NAA20: variants seen among roughly 807,000 people sequenced by gnomAD.
NAA20 encodes N-alpha-acetyltransferase 20, NatB catalytic subunit, also known as N-alpha-acetyltransferase 20.
In NAA20, 24 loss-of-function variants were observed where a neutral mutation model predicts 23.8. The ratio of observed to expected loss-of-function variants is 1.01; its 90% CI spans 0.73 to 1.42. The LOEUF is 1.42. NAA20 is among the 40% of genes most tolerant of loss of function. The pLI is 0.00. For missense variants in NAA20, 166 were observed against 223.1 expected (o/e 0.74, Z 1.63); for synonymous variants, 83 against 77.7 (o/e 1.07, Z -0.36).
At chr20:20,017,309 C>G (rs1011277333), upstream of NAA20, 18 of 1,559,056 alleles carry the variant, frequency 1.2e-5, no homozygotes, top group Non-Finnish European at 1.6e-5. Flanking sequence ...CCGTCTCGCT[C>G]GGTTCCGCGG....
At chr20:20,030,031 G>A (rs1411910214) in intron 4 of NAA20, among the ~76,000 whole-genome samples, 1 of 152,148 alleles carries the variant, frequency 6.6e-6, no homozygotes, top group Non-Finnish European at 1.5e-5. Flanking sequence ...GAAAGCTGTG[G>A]CTTCTCTGGC....
intron 4 of NAA20, among the ~76,000 whole-genome samples, chr20:20,029,802 C>G (rs1439550009): frequency 1.3e-5 from 2 of 152,010 alleles, no homozygotes; most frequent in Non-Finnish European, 2.9e-5. Flanking sequence ...GCCTATAGAA[C>G]AAGAATCAGC....
chr20:20,030,473 T>C (rs1248192610), intron 4 of NAA20, among the ~76,000 whole-genome samples: 3 of 152,182 alleles, frequency 2.0e-5, no homozygotes, highest in Admixed American at 6.5e-5. Context: ...AGTGATACAC[T>C]GAATGCTTTC....
chr20:20,021,783 A>G (rs1217485914), intron 1 of NAA20, among the ~76,000 whole-genome samples: 2 of 152,202 alleles, frequency 1.3e-5, no homozygotes, highest in East Asian at 3.8e-4. Context: ...ACCTGACAAA[A>G]TAGTGGCTCC....
chr20:20,018,435 C>T (rs1472287665), intron 1 of NAA20: 1 of 205,600 alleles, frequency 4.9e-6, no homozygotes, highest in Non-Finnish European at 1.0e-5. Context: ...ATTCAAGTGT[C>T]AGGAAGATGG....
chr20:20,031,686 T>C (rs2043344774), intron 4 of NAA20, among the ~76,000 whole-genome samples: 1 of 152,164 alleles, frequency 6.6e-6, no homozygotes, highest in African/African-American at 2.4e-5. Flanking sequence ...ATATTCACAA[T>C]ACATAGAGAA....
chr20:20,028,238 AT>A (rs2043319693), intron 4 of NAA20, among the ~76,000 whole-genome samples: 1 of 152,120 alleles, frequency 6.6e-6, no homozygotes. Context: ...GAAAAAAAGT[AT>A]TTGGCATTAT....
intron 4 of NAA20, among the ~76,000 whole-genome samples, chr20:20,030,579 A>G (rs1355682162): frequency 6.6e-6 from 1 of 152,166 alleles, no homozygotes; most frequent in Non-Finnish European, 1.5e-5. Flanking sequence ...GAGGATTGAG[A>G]GGAAACAAAA....
intron 1 of NAA20, among the ~76,000 whole-genome samples, chr20:20,022,105 G>A (rs2043272269): frequency 6.6e-6 from 1 of 152,174 alleles, no homozygotes; most frequent in South Asian, 2.1e-4. Flanking sequence ...GCTGCAGCGG[G>A]CGAGTTTGAC....
chr20:20,026,651 G>A (rs2043308365), intron 3 of NAA20, 133 bp from the exon 4 acceptor site: 1 of 951,754 alleles, frequency 1.1e-6, no homozygotes, highest in East Asian at 2.5e-5. Context: ...ACTGTTAGCT[G>A]GATGACCTCA....
chr20:20,028,654 T>C (rs2043322522), intron 4 of NAA20, among the ~76,000 whole-genome samples: 1 of 152,200 alleles, frequency 6.6e-6, no homozygotes, highest in African/African-American at 2.4e-5. Flanking sequence ...GTAATCTTCA[T>C]TTGTAGGCAT....
intron 4 of NAA20, among the ~76,000 whole-genome samples, chr20:20,029,251 A>G (rs1161374510): frequency 6.6e-6 from 1 of 152,206 alleles, no homozygotes; most frequent in African/African-American, 2.4e-5. Flanking sequence ...ATACTTATTA[A>G]TAATAGTTAT....
intron 4 of NAA20, among the ~76,000 whole-genome samples, chr20:20,030,900 G>GA (rs2146468926): frequency 6.6e-6 from 1 of 152,168 alleles, no homozygotes; most frequent in Admixed American, 6.5e-5. Flanking sequence ...GCCATAGCAT[G>GA]AAAAAACATT....
chr20:20,030,280 AG>A, intron 4 of NAA20, among the ~76,000 whole-genome samples: 1 of 152,366 alleles, frequency 6.6e-6, no homozygotes, highest in South Asian at 2.1e-4. Flanking sequence ...ATGACACATC[AG>A]GAACAAGGTG....
intron 4 of NAA20, among the ~76,000 whole-genome samples, chr20:20,030,623 A>G (rs984092523): frequency 9.2e-5 from 14 of 152,112 alleles, no homozygotes; most frequent in African/African-American, 3.4e-4. Context: ...TATAAATATA[A>G]AATCCATAAG....
At chr20:20,021,989 G>A (rs2043271514) in intron 1 of NAA20, among the ~76,000 whole-genome samples, 1 of 152,062 alleles carries the variant, frequency 6.6e-6, no homozygotes, top group Non-Finnish European at 1.5e-5. Flanking sequence ...ATAGGAGTGG[G>A]GAGCAAAAAC....
intron 2 of NAA20, among the ~76,000 whole-genome samples, chr20:20,025,207 A>T (rs1374932418): frequency 2.6e-5 from 4 of 152,234 alleles, no homozygotes; most frequent in African/African-American, 9.6e-5. Flanking sequence ...TCACAGTCTC[A>T]TAGCTGAAGT....
chr20:20,032,414 C>A, intron 4 of NAA20, 94 bp from the exon 5 acceptor site: 2 of 1,268,812 alleles, frequency 1.6e-6, no homozygotes, highest in Non-Finnish European at 2.2e-6. Context: ...GTAGTCAAAG[C>A]AAGGTAAAAA....
intron 4 of NAA20, among the ~76,000 whole-genome samples, chr20:20,028,083 C>T (rs1197562081): frequency 2.6e-5 from 4 of 152,178 alleles, no homozygotes; most frequent in African/African-American, 7.2e-5. Flanking sequence ...AGCTCAAACT[C>T]ATTCAGAGAA....
Sources: allele counts gnomAD v4.1 joint callset (sites outside exome capture counted in the v4.1 genomes callset), GRCh38; gene constraint gnomAD v4.1.1; transcripts MANE v1.5; gene names NCBI Gene and HGNC (gene_info 2026-07-23, HGNC 2026-07-21).